The following SYT16 variants were observed in gnomAD, a reference collection of about 807,000 sequenced individuals.
The protein encoded by SYT16 is synaptotagmin 16.
Under a neutral mutation model 61.4 loss-of-function variants are expected in SYT16, and 42 were observed. That is an observed-to-expected ratio of 0.68 (90% CI 0.53 to 0.89). The LOEUF is 0.89. Among genes scored for constraint, SYT16 ranks in the 40% least tolerant of loss-of-function variants. The probability of loss-of-function intolerance (pLI) is 0.00; values close to 1 mark genes in which losing one functional copy is unlikely to be tolerated. For missense variants in SYT16, 804 were observed against 807.3 expected (o/e 1.00, Z 0.05); for synonymous variants, 314 against 302.3 (o/e 1.04, Z -0.40).
chr14:61,857,880 T>TTGTC (rs528826002), intron 1 of SYT16, among the ~76,000 whole-genome samples: 3 of 152,042 alleles, frequency 2.0e-5, no homozygotes, highest in Non-Finnish European at 2.9e-5. Flanking sequence ...TCCCTTCTGA[T>TTGTC]TGTCTGTCTG....
rs11370731 is a variant in SYT16 at position 62,089,318 on chromosome 14, CAA to C, written c.1624+4946_1624+4947del. On this transcript the variant is annotated intron_variant, in intron 7 of 7. Coordinates refer to ENST00000683842, the MANE Select transcript of SYT16 (RefSeq NM_001367656.1). ...TGGGCCACAGAGTGAGATTCCATCT[CAA>C]AAAAAAAAAAAATGGGGTACTGAAC... 5.5e-3 allele frequency among the ~76,000 whole-genome samples: 768 copies of C among 140,250 alleles called. 2 individuals are homozygous for C. The highest frequency in any genetic ancestry group is 0.039 in the East Asian group (187 of 4,840). 92.0% of individuals were successfully genotyped at this position (140,250 alleles called of 152,430 possible).
At chr14:62,067,359 G>A (rs2056104104) in intron 3 of SYT16, among the ~76,000 whole-genome samples, 1 of 152,108 alleles carries the variant, frequency 6.6e-6, no homozygotes, top group East Asian at 1.9e-4. Flanking sequence ...GGTGTTCAGG[G>A]AGGACTGTAG....
At chr14:62,068,385 CAAAACA>C (rs967599323) in intron 3 of SYT16, among the ~76,000 whole-genome samples, 1 of 151,390 alleles carries the variant, frequency 6.6e-6, no homozygotes, top group Non-Finnish European at 1.5e-5. Flanking sequence ...CAAAACAAAA[CAAAACA>C]AAACAAAACA....
At chr14:61,844,479 G>C (rs1205734750) in intron 1 of SYT16, among the ~76,000 whole-genome samples, 3 of 152,078 alleles carry the variant, frequency 2.0e-5, no homozygotes, top group African/African-American at 7.2e-5. Flanking sequence ...TACAGGAAAG[G>C]CTTTAAGTTT....
chr14:62,048,982 T>A (rs1304274639), intron 3 of SYT16, among the ~76,000 whole-genome samples: 1 of 152,210 alleles, frequency 6.6e-6, no homozygotes, highest in African/African-American at 2.4e-5. Context: ...TCTGTAGATG[T>A]CTGTTAGGTC....
chr14:61,908,410 G>A (rs2048804239), intron 1 of SYT16, among the ~76,000 whole-genome samples: 1 of 152,018 alleles, frequency 6.6e-6, no homozygotes, highest in South Asian at 2.1e-4. Context: ...GCCTGTGTTT[G>A]TTTTTTTAAA....
chr14:61,977,730 A>T (rs2051879038), intron 2 of SYT16, among the ~76,000 whole-genome samples: 1 of 152,176 alleles, frequency 6.6e-6, no homozygotes, highest in South Asian at 2.1e-4. Context: ...TTCCCAACTT[A>T]ATCCACTACT....
At chr14:61,921,571 T>G (rs2049336028) in intron 1 of SYT16, among the ~76,000 whole-genome samples, 1 of 152,198 alleles carries the variant, frequency 6.6e-6, no homozygotes, top group Non-Finnish European at 1.5e-5. Context: ...TCCTTAGAGG[T>G]CTATATTCCA....
chr14:61,854,857 C>G (rs772657031), intron 1 of SYT16, among the ~76,000 whole-genome samples: 1 of 150,824 alleles, frequency 6.6e-6, no homozygotes, highest in Non-Finnish European at 1.5e-5. Context: ...TTTTTTTTCC[C>G]ACTAGCTTAG....
At chr14:62,038,193 G>A (rs2054585153) in intron 3 of SYT16, among the ~76,000 whole-genome samples, 1 of 151,628 alleles carries the variant, frequency 6.6e-6, no homozygotes, top group African/African-American at 2.4e-5. Flanking sequence ...TTTTGCTGCT[G>A]CTAGAGTGTG....
At chr14:61,933,008 G>GGTGTAT (rs1271638834) in intron 1 of SYT16, among the ~76,000 whole-genome samples, 1 of 152,232 alleles carries the variant, frequency 6.6e-6, no homozygotes, top group Non-Finnish European at 1.5e-5. Flanking sequence ...TAAGATATCA[G>GGTGTAT]GTGTATTGTT....
rs540289655 is a variant in SYT16 at position 61,885,016 on chromosome 14, A to G, written c.-325+72206A>G. Among the ~76,000 whole-genome samples, 3 of 152,350 alleles carry G rather than the reference A, an allele frequency of 2.0e-5. 1 individual carries two copies. The South Asian group carries it at 6.2e-4, about 32-fold the overall frequency. On this transcript the variant is annotated intron_variant, in intron 1 of 7. Transcript: ENST00000683842. ...AATGATTTTTCCCATGAAAGATCTG[A>G]GCAAAATAACCTCTACTGATTTATT...
intron 1 of SYT16, among the ~76,000 whole-genome samples, chr14:61,931,277 G>A (rs1035326577): frequency 2.0e-5 from 3 of 152,162 alleles, no homozygotes; most frequent in African/African-American, 7.2e-5. Flanking sequence ...TTTCTTAGAG[G>A]AGATAGATTA....
At chr14:61,921,352 A>G (rs1175379897) in intron 1 of SYT16, among the ~76,000 whole-genome samples, 3 of 152,190 alleles carry the variant, frequency 2.0e-5, no homozygotes, top group Non-Finnish European at 4.4e-5. Flanking sequence ...TGCAAAGGCC[A>G]TGAGCCACTT....
chr14:61,816,737 C>A (rs1482463621), intron 1 of SYT16, among the ~76,000 whole-genome samples: 1 of 152,152 alleles, frequency 6.6e-6, no homozygotes, highest in Non-Finnish European at 1.5e-5. Context: ...CTTGGCCGGG[C>A]GCGGTGGCTC....
intron 1 of SYT16, among the ~76,000 whole-genome samples, chr14:61,958,916 A>G (rs906994083): frequency 6.6e-6 from 1 of 151,838 alleles, no homozygotes; most frequent in African/African-American, 2.4e-5. Context: ...TTTGTTTTAT[A>G]TTTCGGGTGT....
chr14:62,003,949 C>T (rs569427924), intron 3 of SYT16, among the ~76,000 whole-genome samples: 5 of 152,152 alleles, frequency 3.3e-5, no homozygotes, highest in African/African-American at 9.6e-5. Flanking sequence ...GAGGAAATGT[C>T]GTGAATGCTG....
chr14:62,009,426 G>A (rs115132830), intron 3 of SYT16, among the ~76,000 whole-genome samples: 167 of 152,242 alleles, frequency 1.1e-3, no homozygotes, highest in African/African-American at 3.9e-3. Context: ...AATACAGTCA[G>A]GAGTTAATCA....
At chr14:61,896,872 T>A (rs918940581) in intron 1 of SYT16, among the ~76,000 whole-genome samples, 4 of 152,178 alleles carry the variant, frequency 2.6e-5, no homozygotes, top group African/African-American at 9.7e-5. Flanking sequence ...AAAGAAATGG[T>A]TAATAAAGTT....
Sources: allele counts gnomAD v4.1 joint callset (sites outside exome capture counted in the v4.1 genomes callset), GRCh38; gene constraint gnomAD v4.1.1; transcripts MANE v1.5; gene names NCBI Gene and HGNC (gene_info 2026-07-23, HGNC 2026-07-21).